The following ALK variants were observed in gnomAD, a reference collection of about 807,000 sequenced individuals.
ALK encodes ALK tyrosine kinase receptor.
In ALK, 74 loss-of-function variants were observed where a neutral mutation model predicts 163.1. The observed-to-expected ratio is 0.45, with a 90% CI of 0.38 to 0.55. ALK has a LOEUF of 0.55. Ranked by LOEUF, ALK falls within the 20% of genes least tolerant of loss-of-function variation. The pLI is 0.00. For synonymous variants in ALK, 960 were observed against 843.2 expected (o/e 1.14, Z -2.40); for missense variants, 2,063 against 2,105.3 (o/e 0.98, Z 0.39).
At chr2:29,230,728 G>A (rs1326606737) in intron 15 of ALK, among the ~76,000 whole-genome samples, 1 of 152,140 alleles carries the variant, frequency 6.6e-6, no homozygotes, top group Non-Finnish European at 1.5e-5. Context: ...TTGAGCTTGG[G>A]TTTGTTTCGC....
At chr2:29,686,970 G>C (rs78417241) in intron 3 of ALK, among the ~76,000 whole-genome samples, 2,113 of 152,202 alleles carry the variant, frequency 0.014, 44 homozygotes, top group African/African-American at 0.048. Context: ...TATTGCTTGA[G>C]AGACGAGTGA....
At chr2:29,606,522 C>T (rs1467263893) in intron 3 of ALK, among the ~76,000 whole-genome samples, 1 of 152,208 alleles carries the variant, frequency 6.6e-6, no homozygotes, top group Non-Finnish European at 1.5e-5. Context: ...TAAGTAGGAA[C>T]TTGGCATCCC....
chr2:29,902,000 GC>G (rs1197143859), intron 1 of ALK, among the ~76,000 whole-genome samples: 2 of 152,154 alleles, frequency 1.3e-5, no homozygotes, highest in East Asian at 1.9e-4. Context: ...AATTCAGCAA[GC>G]TTTTCATTTC....
At chr2:29,781,970 G>A (rs1000524586) in intron 1 of ALK, among the ~76,000 whole-genome samples, 3 of 152,150 alleles carry the variant, frequency 2.0e-5, no homozygotes, top group Admixed American at 6.5e-5. Flanking sequence ...TCAAGTTAGT[G>A]TCAAAAGAAA....
At chr2:29,500,431 G>A (rs1337733764) in intron 4 of ALK, among the ~76,000 whole-genome samples, 5 of 152,130 alleles carry the variant, frequency 3.3e-5, no homozygotes, top group South Asian at 2.1e-4. Flanking sequence ...GAAGCCAAGT[G>A]GAAGCTACTA....
At chr2:29,519,427 G>T (rs1367208656) in intron 4 of ALK, among the ~76,000 whole-genome samples, 1 of 152,222 alleles carries the variant, frequency 6.6e-6, no homozygotes, top group Non-Finnish European at 1.5e-5. Context: ...ATGTAGGATT[G>T]TGAAATTGGA....
chr2:29,665,042 C>T (rs183841938), intron 3 of ALK, among the ~76,000 whole-genome samples: 228 of 150,510 alleles, frequency 1.5e-3, no homozygotes, highest in African/African-American at 5.1e-3. Flanking sequence ...ACTGTGCCAC[C>T]CAGACTGGAG....
chr2:29,296,831 C>A (rs1020715400), intron 9 of ALK, 57 bp downstream of exon 9: 25 of 1,610,522 alleles, frequency 1.6e-5, no homozygotes, highest in Admixed American at 1.0e-4. Flanking sequence ...GGCATGATTT[C>A]TTTTTCATTT....
intron 1 of ALK, among the ~76,000 whole-genome samples, chr2:29,739,949 G>T (rs957094785): frequency 5.9e-5 from 9 of 152,080 alleles, no homozygotes; most frequent in Non-Finnish European, 1.2e-4. Context: ...TGGATAAAAT[G>T]CCAAAAACAC....
chr2:29,322,830 A>G (rs960768799), intron 6 of ALK, among the ~76,000 whole-genome samples: 1 of 152,188 alleles, frequency 6.6e-6, no homozygotes, highest in African/African-American at 2.4e-5. Context: ...GCAAAACTCC[A>G]TCTCAAACAA....
intron 3 of ALK, among the ~76,000 whole-genome samples, chr2:29,623,691 A>G (rs1325609921): frequency 6.6e-6 from 1 of 152,234 alleles, no homozygotes; most frequent in Non-Finnish European, 1.5e-5. Flanking sequence ...AACTGTAATG[A>G]TATAAAATTC....
At chr2:29,690,403 G>A (rs1678360019) in intron 3 of ALK, among the ~76,000 whole-genome samples, 1 of 152,208 alleles carries the variant, frequency 6.6e-6, no homozygotes, top group Non-Finnish European at 1.5e-5. Context: ...TTTTCTGCGT[G>A]TGCCCATGAG....
chr2:29,735,490 AATT>A (rs1417563941), intron 1 of ALK, among the ~76,000 whole-genome samples: 1 of 152,068 alleles, frequency 6.6e-6, no homozygotes, highest in Admixed American at 6.5e-5. Context: ...TAGTAATAAT[AATT>A]GTTATTGCAT....
intron 4 of ALK, among the ~76,000 whole-genome samples, chr2:29,435,116 C>G (rs1251506904): frequency 6.6e-6 from 1 of 152,150 alleles, no homozygotes; most frequent in African/African-American, 2.4e-5. Context: ...CCCCTCCTAC[C>G]AGTGTATTTT....
intron 1 of ALK, among the ~76,000 whole-genome samples, chr2:29,912,861 A>G (rs867252812): frequency 1.3e-5 from 2 of 152,170 alleles, no homozygotes; most frequent in Admixed American, 6.5e-5. Flanking sequence ...TCTGGGCTTA[A>G]AAGAGTCCTT....
intron 3 of ALK, among the ~76,000 whole-genome samples, chr2:29,676,570 G>A (rs1239776805): frequency 6.6e-6 from 1 of 151,860 alleles, no homozygotes; most frequent in Non-Finnish European, 1.5e-5. Flanking sequence ...TGGCTTTATA[G>A]TAAGTTTTGA....
intron 2 of ALK, among the ~76,000 whole-genome samples, chr2:29,710,492 CTGTGTGCGTG>C (rs1481465031): frequency 9.8e-6 from 1 of 102,126 alleles, no homozygotes; most frequent in African/African-American, 3.9e-5. Flanking sequence ...CAACCTCAGT[CTGTGTGCGTG>C]TGTGTGTGTG....
intron 3 of ALK, among the ~76,000 whole-genome samples, chr2:29,694,219 T>C (rs1473472080): frequency 6.6e-6 from 1 of 152,176 alleles, no homozygotes; most frequent in Non-Finnish European, 1.5e-5. Flanking sequence ...AGCCTACCTT[T>C]CCTAGGCCCT....
intron 4 of ALK, among the ~76,000 whole-genome samples, chr2:29,488,718 C>T (rs757617446): frequency 3.9e-5 from 6 of 152,236 alleles, no homozygotes; most frequent in South Asian, 4.2e-4. Context: ...TCCATAACCA[C>T]GGTGTATGTT....
Sources: allele counts gnomAD v4.1 joint callset (sites outside exome capture counted in the v4.1 genomes callset), GRCh38; gene constraint gnomAD v4.1.1; transcripts MANE v1.5; gene names NCBI Gene and HGNC (gene_info 2026-07-23, HGNC 2026-07-21).